The following ABCA13 variants were observed in gnomAD, a reference collection of about 807,000 sequenced individuals.
The protein encoded by ABCA13 is ATP binding cassette subfamily A member 13, also known as ATP-binding cassette sub-family A member 13.
A neutral mutation model predicts 478.7 loss-of-function variants in ABCA13; 476 were observed. The ratio of observed to expected loss-of-function variants is 0.99; its 90% CI spans 0.92 to 1.07. ABCA13 has a LOEUF of 1.07. Ranked by LOEUF, ABCA13 falls within the 50% of genes least tolerant of loss-of-function variation. The pLI, the probability that ABCA13 is intolerant of heterozygous loss-of-function variation, is 0.00. For synonymous variants in ABCA13, 2,252 were observed against 2,158.9 expected, an observed-to-expected ratio of 1.04 and a Z score of -1.20; for missense variants, 6,060 against 5,910.6, an observed-to-expected ratio of 1.03 and a Z score of -0.83.
At chr7:48,471,622 A>G (rs1433178859) in intron 45 of ABCA13, 23 bp downstream of exon 45, 2 of 1,546,768 alleles carry the variant, frequency 1.3e-6, no homozygotes, top group Admixed American at 4.0e-5. Flanking sequence ...AGCATTTTTG[A>G]TCTTTTTAAG....
At chr7:48,522,872 A>T (rs34651672) in intron 53 of ABCA13, among the ~76,000 whole-genome samples, 2 of 152,038 alleles carry the variant, frequency 1.3e-5, no homozygotes, top group African/African-American at 4.8e-5. Context: ...TGTGAATACT[A>T]CTCTGCCAGG....
At position 48,410,522 on chromosome 7, in the gene ABCA13, C is replaced by A; in HGVS notation, c.12073C>A (p.Arg4025Ser). 1 of 1,614,006 alleles carries A rather than the reference C, an allele frequency of 6.2e-7. No individual in the cohort carries two copies. Among genetic ancestry groups the A allele is most frequent in the Non-Finnish European group, 8.5e-7 (1 of 1,179,878 alleles). ...ATGCACCCTGTGCTTGGACCCAGGT[C>A]GTACGATCATCTTCACAACCCACCA... ...WDILLKYREG[R>S]TIIFTTHHLD... Residue 4025 changes from arginine (R) to serine (S), a missense_variant and splice_region_variant, in exon 40 of 62, where the codon CGT becomes AGT. Physicochemically the swap from Arg to Ser is moderately radical, Grantham distance 110. Around this residue, in one of 3 missense-constraint regions of ABCA13, gnomAD observed 1,627 missense variants for 1,571.0 expected, o/e 1.04. Transcript: ENST00000435803.
chr7:48,229,490 TCAGCTGCCCTGCGG>T (rs1369336804), intron 6 of ABCA13, among the ~76,000 whole-genome samples: 1 of 152,206 alleles, frequency 6.6e-6, no homozygotes, highest in Admixed American at 6.5e-5. Context: ...GCTGGCCTCA[TCAGCTGCCCTGCGG>T]CAGGAAGAAT....
chr7:48,244,480 C>A, intron 10 of ABCA13, 96 bp from the exon 11 acceptor site: 1 of 1,402,650 alleles, frequency 7.1e-7, no homozygotes, highest in Non-Finnish European at 9.6e-7. Flanking sequence ...CTTCTCAAAG[C>A]AGTGGAATAT....
At chr7:48,513,372 A>G (rs1343466151) in intron 51 of ABCA13, among the ~76,000 whole-genome samples, 3 of 152,230 alleles carry the variant, frequency 2.0e-5, no homozygotes, top group Non-Finnish European at 4.4e-5. Context: ...TCTTCTTTCT[A>G]TCAAGGACAA....
At chr7:48,212,234 T>C (rs1025483946) in intron 3 of ABCA13, among the ~76,000 whole-genome samples, 1 of 152,026 alleles carries the variant, frequency 6.6e-6, no homozygotes, top group African/African-American at 2.4e-5. Flanking sequence ...CAGCACTGAG[T>C]TTCAGTACAA....
chr7:48,324,953 A>C (rs2128918324), intron 27 of ABCA13, among the ~76,000 whole-genome samples: 1 of 152,298 alleles, frequency 6.6e-6, no homozygotes. Context: ...ATGTGCTTCG[A>C]ATTGCTTTCT....
chr7:48,587,110 C>G, intron 56 of ABCA13, 44 bp from the exon 57 acceptor site: 1 of 1,609,606 alleles, frequency 6.2e-7, no homozygotes, highest in Non-Finnish European at 8.5e-7. Context: ...CTGGTGGGCA[C>G]TTTGGTGAAT....
intron 7 of ABCA13, among the ~76,000 whole-genome samples, chr7:48,233,003 A>G (rs1180472584): frequency 6.6e-6 from 1 of 152,226 alleles, no homozygotes; most frequent in Non-Finnish European, 1.5e-5. Context: ...TTCAACATAC[A>G]ATAAATGCTG....
rs1796590897 is a variant in ABCA13 at position 48,187,978 on chromosome 7, T to G, written c.70-4981T>G. 5.9e-5 allele frequency among the ~76,000 whole-genome samples: 9 copies of G among 152,208 alleles called. No individual in the cohort carries two copies. In the South Asian group the frequency reaches 1.9e-3, roughly 31 times the overall value. ...CTCTTTGTTTTATTGCCACCTATAC[T>G]TGGGGAGTTCAGCCCAGGTATTATA... is the stretch of plus-strand genomic sequence containing the variant. On this transcript the variant is annotated intron_variant, in intron 1 of 61. Transcript: ENST00000435803.
intron 43 of ABCA13, among the ~76,000 whole-genome samples, chr7:48,461,596 C>T (rs374262549): frequency 2.2e-4 from 34 of 152,326 alleles, no homozygotes; most frequent in African/African-American, 8.2e-4. Flanking sequence ...ATATATCCTT[C>T]ATGCTCTACC....
chr7:48,487,594 T>G (rs760821675), intron 47 of ABCA13, among the ~76,000 whole-genome samples: 11 of 152,240 alleles, frequency 7.2e-5, no homozygotes, highest in Non-Finnish European at 1.6e-4. Flanking sequence ...TTGTGTCTTC[T>G]ATTTTTTCCC....
At chr7:48,239,522 G>T (rs1790492998) in intron 9 of ABCA13, 117 bp downstream of exon 9, 5 of 1,243,888 alleles carry the variant, frequency 4.0e-6, no homozygotes, top group Admixed American at 5.8e-5. Flanking sequence ...TCCAAGGAAA[G>T]GGCCTTAGGA....
chr7:48,244,362 G>A (rs1251447125), intron 10 of ABCA13, among the ~76,000 whole-genome samples: 2 of 152,212 alleles, frequency 1.3e-5, no homozygotes, highest in Non-Finnish European at 2.9e-5. Context: ...TAAAGAGAAT[G>A]TTTAATCCAT....
Position 48,516,884 on chromosome 7 carries a change from C to G in ABCA13, c.13797+3C>G. The stretch of plus-strand genomic sequence containing the variant: ...TAGCCATCATCTCCAAAGCTAAGGT[C>G]AGTAGCTTTGTAGCATCACCTCTAC... On this transcript the variant is annotated splice_donor_region_variant and intron_variant, in intron 52 of 61. Transcript: ENST00000435803. 6.2e-7 allele frequency: 1 copy of G among 1,613,242 alleles called. No homozygotes were observed. Among genetic ancestry groups the G allele is most frequent in the Non-Finnish European group, 8.5e-7 (1 of 1,179,432 alleles).
At chr7:48,643,066 AT>A (rs926495733) in intron 59 of ABCA13, among the ~76,000 whole-genome samples, 2 of 151,984 alleles carry the variant, frequency 1.3e-5, no homozygotes, top group African/African-American at 2.4e-5. Flanking sequence ...CTTGCTGATA[AT>A]TTTTTTAAGG....
chr7:48,633,395 A>T (rs896038725), intron 59 of ABCA13, among the ~76,000 whole-genome samples: 2 of 152,128 alleles, frequency 1.3e-5, no homozygotes, highest in Non-Finnish European at 2.9e-5. Context: ...GAAATTCTAG[A>T]CTTAACTTTG....
intron 27 of ABCA13, among the ~76,000 whole-genome samples, chr7:48,332,691 C>A (rs1805595603): frequency 1.3e-5 from 2 of 152,068 alleles, no homozygotes; most frequent in Non-Finnish European, 2.9e-5. Context: ...TATCTTCATT[C>A]CTAAAAGATA....
intron 55 of ABCA13, among the ~76,000 whole-genome samples, 181 bp from the exon 56 acceptor site, chr7:48,580,043 C>T (rs1385398616): frequency 6.6e-6 from 1 of 152,118 alleles, no homozygotes; most frequent in Non-Finnish European, 1.5e-5. Flanking sequence ...GCCAAAGAGG[C>T]CTATTTTGGG....
Sources: allele counts gnomAD v4.1 joint callset (sites outside exome capture counted in the v4.1 genomes callset), GRCh38; gene constraint gnomAD v4.1.1; regional missense constraint gnomAD v4.1.1; transcripts MANE v1.5; gene names NCBI Gene and HGNC (gene_info 2026-07-23, HGNC 2026-07-21).